Variants in KIRREL3 observed in about 807,000 individuals in gnomAD.
KIRREL3 encodes kin of IRRE-like protein 3.
In KIRREL3, 36 loss-of-function variants were observed where a neutral mutation model predicts 89.7. That is an observed-to-expected ratio of 0.40 (90% CI 0.31 to 0.53). The LOEUF (loss-of-function observed/expected upper bound fraction) is 0.53, where lower values mean the gene tolerates loss of function less well. Among genes scored for constraint, KIRREL3 ranks in the 20% least tolerant of loss-of-function variants. The probability of loss-of-function intolerance (pLI) is 0.49; values close to 1 mark genes in which losing one functional copy is unlikely to be tolerated. For missense variants in KIRREL3, 864 were observed against 1,056.6 expected, an observed-to-expected ratio of 0.82 and a Z score of 2.53; for synonymous variants, 445 against 441.4, an observed-to-expected ratio of 1.01 and a Z score of -0.10.
chr11:126,654,168 G>C (rs548789912), intron 1 of KIRREL3, among the ~76,000 whole-genome samples: 1 of 136,376 alleles, frequency 7.3e-6, no homozygotes, highest in African/African-American at 2.6e-5. Flanking sequence ...GCGAGGGCTC[G>C]TGGTTGGGAC....
intron 1 of KIRREL3, among the ~76,000 whole-genome samples, chr11:126,660,009 T>A (rs1591900649): frequency 6.6e-6 from 1 of 152,162 alleles, no homozygotes; most frequent in Non-Finnish European, 1.5e-5. Flanking sequence ...AAAAGCATGA[T>A]AAAAATTTGG....
intron 1 of KIRREL3, among the ~76,000 whole-genome samples, chr11:126,801,833 G>T (rs1255501259): frequency 6.6e-6 from 1 of 152,174 alleles, no homozygotes; most frequent in Admixed American, 6.5e-5. Flanking sequence ...CTACTTGGAG[G>T]ATGAGGCAGG....
chr11:126,871,109 G>A (rs755466931), intron 1 of KIRREL3, among the ~76,000 whole-genome samples: 14 of 152,268 alleles, frequency 9.2e-5, no homozygotes, highest in African/African-American at 1.2e-4. Flanking sequence ...TGGACTCTTC[G>A]GAATCAGTTC....
chr11:126,468,585 T>C (rs972475790), intron 5 of KIRREL3, among the ~76,000 whole-genome samples: 1 of 152,206 alleles, frequency 6.6e-6, no homozygotes, highest in Non-Finnish European at 1.5e-5. Context: ...GGTCCCATGG[T>C]GGAGTCACAG....
intron 1 of KIRREL3, among the ~76,000 whole-genome samples, chr11:126,982,338 T>A (rs1427675612): frequency 2.0e-5 from 3 of 152,218 alleles, no homozygotes; most frequent in Non-Finnish European, 4.4e-5. Flanking sequence ...GGGCTGGCCC[T>A]AGCCTGGGCA....
At chr11:126,932,380 A>G (rs1379524882) in intron 1 of KIRREL3, among the ~76,000 whole-genome samples, 1 of 152,218 alleles carries the variant, frequency 6.6e-6, no homozygotes, top group Non-Finnish European at 1.5e-5. Context: ...GGCAAAGCTC[A>G]ATGCATTCAA....
intron 9 of KIRREL3, among the ~76,000 whole-genome samples, chr11:126,446,285 C>CCTTT (rs5795496): frequency 0.3 from 42,778 of 143,074 alleles, 6,666 homozygotes; most frequent in African/African-American, 0.34. Context: ...TTTTCTTTCT[C>CCTTT]CTTTCTTTCT....
At chr11:126,911,148 T>C (rs946109109) in intron 1 of KIRREL3, among the ~76,000 whole-genome samples, 8 of 151,214 alleles carry the variant, frequency 5.3e-5, no homozygotes, top group African/African-American at 1.9e-4. Context: ...AAAGAGAGGG[T>C]GGTGCTGGTG....
intron 1 of KIRREL3, among the ~76,000 whole-genome samples, chr11:126,581,889 A>T (rs751396886): frequency 2.0e-5 from 3 of 152,192 alleles, no homozygotes; most frequent in Non-Finnish European, 4.4e-5. Flanking sequence ...GGTGCTGGAA[A>T]GGGGCCAGCT....
At chr11:126,692,023 A>G (rs1201687490) in intron 1 of KIRREL3, among the ~76,000 whole-genome samples, 1 of 152,192 alleles carries the variant, frequency 6.6e-6, no homozygotes, top group Non-Finnish European at 1.5e-5. Flanking sequence ...AATATAGCAA[A>G]TGTCGGTAAG....
Position 126,697,257 on chromosome 11 carries a change from A to C in KIRREL3, c.56-134345T>G, listed in dbSNP as rs1195810282. Among the ~76,000 whole-genome samples, 1 of 152,236 alleles carries C rather than the reference A, an allele frequency of 6.6e-6. No individual in the cohort carries two copies. Among genetic ancestry groups the C allele is most frequent in the African/African-American group, 2.4e-5 (1 of 41,458 alleles). On this transcript the variant is annotated intron_variant, in intron 1 of 16. Coordinates refer to ENST00000525144, the MANE Select transcript of KIRREL3 (RefSeq NM_032531.4). The surrounding 1 kb of genome is among the most constrained non-coding windows in gnomAD (Gnocchi z 4.2). ...TGCGGGAGATGACAGGACTACAAGA[A>C]GGCGGGACTTCCTCTATTGCCCTAG...
upstream of KIRREL3, chr11:127,000,956 G>A (rs1040040644): frequency 6.4e-6 from 2 of 312,900 alleles, no homozygotes; most frequent in African/African-American, 4.3e-5. This position sits in a 1 kb window ranked among gnomAD's most constrained non-coding sequence, Gnocchi z 7.1. Flanking sequence ...AACGGACAGT[G>A]GGGGAAAAGG....
At position 126,473,485 on chromosome 11, in the gene KIRREL3, T is replaced by C. The variant is rs751692095; in HGVS notation, c.434-19A>G. On this transcript the variant is annotated intron_variant, in intron 4 of 16. Transcript: ENST00000525144. ...GGCGGCACTGCGGGGAGAGAAGCAG[T>C]GAGGTCAGGCCGAGGCTCCCACCTC... 2.6e-6 allele frequency: 4 copies of C among 1,529,426 alleles called. No individual in the cohort carries two copies. The highest frequency in any genetic ancestry group is 1.7e-4 in the Middle Eastern group (1 of 5,728). 94.7% of individuals were successfully genotyped at this position (1,529,426 alleles called of 1,614,324 possible).
Position 126,566,464 on chromosome 11 carries a change from G to T in KIRREL3, c.56-3552C>A, listed in dbSNP as rs934982725. Among the ~76,000 whole-genome samples the T allele has an allele frequency of 2.6e-5, 4 of 152,204 alleles. No homozygotes were observed. The highest frequency in any genetic ancestry group is 9.6e-5 in the African/African-American group (4 of 41,462). On this transcript the variant is annotated intron_variant, in intron 1 of 16. Transcript: ENST00000525144. The surrounding 1 kb of genome is among the most constrained non-coding windows in gnomAD (Gnocchi z 4.9). ...CTCAGGAACAGTCTGCTGACTTAAT[G>T]AAAGGGCTGGCTACAAAATATGGGA...
At position 126,662,615 on chromosome 11, in the gene KIRREL3, G is replaced by A. The variant is rs111713464; in HGVS notation, c.56-99703C>T. 3.7e-3 allele frequency among the ~76,000 whole-genome samples: 566 copies of A among 152,296 alleles called. 10 individuals carry two copies. Among genetic ancestry groups the A allele is most frequent in the African/African-American group, 0.013 (548 of 41,562 alleles). On this transcript the variant is annotated intron_variant, in intron 1 of 16. Transcript: ENST00000525144. ...GCATAAGGGCATTAATCCCATTAATGAGGAAGGAAGTCTCATAGCCTGATC... is the reference window on the plus strand; with the variant it reads ...GCATAAGGGCATTAATCCCATTAATAAGGAAGGAAGTCTCATAGCCTGATC...
At chr11:126,851,408 C>T (rs1413108792) in intron 1 of KIRREL3, among the ~76,000 whole-genome samples, 1 of 152,192 alleles carries the variant, frequency 6.6e-6, no homozygotes, top group Non-Finnish European at 1.5e-5. Context: ...TTGATTGCTG[C>T]TTTCTCAGCG....
intron 1 of KIRREL3, among the ~76,000 whole-genome samples, chr11:126,820,798 C>G (rs1484909778): frequency 6.6e-6 from 1 of 152,138 alleles, no homozygotes; most frequent in Non-Finnish European, 1.5e-5. Context: ...CTCCTTTTGT[C>G]ACTCACTGGC....
intron 1 of KIRREL3, among the ~76,000 whole-genome samples, chr11:126,825,161 A>G (rs1203601404): frequency 6.6e-6 from 1 of 152,152 alleles, no homozygotes; most frequent in African/African-American, 2.4e-5. Context: ...ACCAGTAGCT[A>G]CAGGTAATGT....
rs1210258208 is a variant in KIRREL3 at position 126,797,953 on chromosome 11, G to T, written c.55+202502C>A. ...GACACTGCAAAGTAACACATGGGCT[G>T]TTTGTGCTTTTGCTAACTCCTGTGT... On this transcript the variant is annotated intron_variant, in intron 1 of 16. Coordinates refer to ENST00000525144, the MANE Select transcript of KIRREL3 (RefSeq NM_032531.4). The surrounding 1 kb of genome is among the most constrained non-coding windows in gnomAD (Gnocchi z 4.9). Among the ~76,000 whole-genome samples the T allele has an allele frequency of 6.6e-6, 1 of 152,182 alleles. No homozygotes were observed. The highest frequency in any genetic ancestry group is 6.5e-5 in the Admixed American group (1 of 15,276).
Sources: allele counts gnomAD v4.1 joint callset (sites outside exome capture counted in the v4.1 genomes callset), GRCh38; gene constraint gnomAD v4.1.1; non-coding constraint Gnocchi (gnomAD v3.1); transcripts MANE v1.5; gene names NCBI Gene and HGNC (gene_info 2026-07-23, HGNC 2026-07-21).